Variants in MAP3K1 observed in about 807,000 individuals in gnomAD.
The protein encoded by MAP3K1 is MAP/ERK kinase kinase 1.
A neutral mutation model predicts 144.2 loss-of-function variants in MAP3K1; 36 were observed. The ratio of observed to expected loss-of-function variants is 0.25; its 90% CI spans 0.19 to 0.33. The LOEUF (loss-of-function observed/expected upper bound fraction) is 0.33. MAP3K1 is among the 10% of genes least tolerant of loss of function. The pLI is 1.00. For synonymous variants in MAP3K1, 718 were observed against 688.7 expected, an observed-to-expected ratio of 1.04 and a Z score of -0.67; for missense variants, 1,650 against 1,881.9, an observed-to-expected ratio of 0.88 and a Z score of 2.28.
chr5:56,847,051 A>G (rs1018018753), intron 1 of MAP3K1, among the ~76,000 whole-genome samples: 3 of 152,222 alleles, frequency 2.0e-5, no homozygotes, highest in African/African-American at 7.2e-5. Flanking sequence ...CTTTTACACT[A>G]CTGCCTTATT....
At chr5:56,848,036 C>T (rs1308183757) in intron 1 of MAP3K1, among the ~76,000 whole-genome samples, 2 of 151,710 alleles carry the variant, frequency 1.3e-5, no homozygotes, top group Non-Finnish European at 2.9e-5. Flanking sequence ...CTTTTTGATT[C>T]ACTTTTCTTC....
chr5:56,816,960 G>T, intron 1 of MAP3K1: 2 of 427,396 alleles, frequency 4.7e-6, no homozygotes, highest in Non-Finnish European at 6.2e-6. Flanking sequence ...ACTGCTCCCC[G>T]CAGCCCCTCC....
In MAP3K1 at chr5:56,865,334, CT is replaced by C; in HGVS notation, c.1036-3del. ...TAACCTATAGGTTTTCTTTTTAACTCTTTAGAACTGCAGCTGTGCACGTGGA... is the reference window on the plus strand; with the variant it reads ...TAACCTATAGGTTTTCTTTTTAACTCTTAGAACTGCAGCTGTGCACGTGGA... On this transcript the variant is annotated splice_region_variant and splice_polypyrimidine_tract_variant and intron_variant, in intron 4 of 19. Transcript: ENST00000399503. 1 of 1,553,286 alleles carries C rather than the reference CT, an allele frequency of 6.4e-7. No individual in the cohort carries two copies. Among genetic ancestry groups the C allele is most frequent in the South Asian group, 1.1e-5 (1 of 89,824 alleles).
intron 1 of MAP3K1, among the ~76,000 whole-genome samples, chr5:56,839,846 T>C (rs571058035): frequency 1.3e-5 from 2 of 152,298 alleles, no homozygotes; most frequent in South Asian, 4.1e-4. Context: ...CCCTGAATTG[T>C]TGGGACAGGC....
chr5:56,859,326 A>G (rs564208786), intron 2 of MAP3K1, among the ~76,000 whole-genome samples: 1 of 152,294 alleles, frequency 6.6e-6, no homozygotes, highest in South Asian at 2.1e-4. Flanking sequence ...TTGATCTAGT[A>G]GTTGAATAAG....
intron 1 of MAP3K1, among the ~76,000 whole-genome samples, chr5:56,854,106 G>C (rs1025022223): frequency 2.0e-5 from 3 of 152,216 alleles, no homozygotes; most frequent in African/African-American, 7.2e-5. Context: ...CTTCATTTGT[G>C]TACATTTTTA....
chr5:56,855,989 A>G (rs901708729), intron 1 of MAP3K1, among the ~76,000 whole-genome samples: 1 of 152,152 alleles, frequency 6.6e-6, no homozygotes, highest in African/African-American at 2.4e-5. Flanking sequence ...AGATTGTTTT[A>G]TTCTGGTAAA....
At chr5:56,852,080 A>ATT (rs1747190378) in intron 1 of MAP3K1, 1 of 47,042 alleles carries the variant, frequency 2.1e-5, no homozygotes, top group East Asian at 4.0e-4. Flanking sequence ...TATTCCTGGC[A>ATT]GGGAAAAAAA....
In MAP3K1 at chr5:56,856,747, T is replaced by C; in HGVS notation, c.630T>C (p.Pro210=). Residue 210 remains proline (P), a synonymous_variant, in exon 2 of 20, where the codon CCT becomes CCC. Transcript: ENST00000399503. The stretch of plus-strand genomic sequence containing the variant: ...TGGAAAGGAGAAATAGGCGAGGGCC[T>C]GTGGTAAGTGGCTATGGGTTACCAG... ...EWLERRNRRG[P]VVVKPIPVKG... is the part of the protein sequence containing the mutation. 1 of 1,613,872 alleles carries C rather than the reference T, an allele frequency of 6.2e-7. No homozygotes were observed. The highest frequency in any genetic ancestry group is 8.5e-7 in the Non-Finnish European group (1 of 1,179,798).
At chr5:56,888,098 G>A in intron 18 of MAP3K1, 128 bp from the exon 19 acceptor site, 1 of 767,946 alleles carries the variant, frequency 1.3e-6, no homozygotes, top group Non-Finnish European at 2.2e-6. Context: ...TTAGATATTA[G>A]GTAGTCCACA....
At chr5:56,840,883 T>C (rs1022028529) in intron 1 of MAP3K1, among the ~76,000 whole-genome samples, 16 of 152,126 alleles carry the variant, frequency 1.1e-4, no homozygotes, top group African/African-American at 3.4e-4. Flanking sequence ...TTTTTTTTTT[T>C]TTTTTAAAGA....
chr5:56,852,356 A>T (rs889826251), intron 1 of MAP3K1, among the ~76,000 whole-genome samples: 3 of 152,158 alleles, frequency 2.0e-5, no homozygotes, highest in African/African-American at 7.2e-5. Flanking sequence ...TTTCCCTGAG[A>T]AGGGACCCTT....
rs1747887665 is a variant in MAP3K1 at position 56,872,576 on chromosome 5, TTATGAAA to T, written c.1424-62_1424-56del. ...ATATAAATTCTATAATTATAAACAG[TTATGAAA>T]TAAAAATAATGTTAAACATTTACAT... On this transcript the variant is annotated intron_variant, in intron 7 of 19. Coordinates refer to ENST00000399503, the MANE Select transcript of MAP3K1 (RefSeq NM_005921.2). 9 of 923,260 alleles carry T rather than the reference TTATGAAA, an allele frequency of 9.7e-6. No homozygotes were observed. In the Admixed American group the frequency reaches 1.6e-4, roughly 17 times the overall value. 57.2% of individuals were successfully genotyped at this position (923,260 alleles called of 1,614,324 possible).
chr5:56,843,957 A>G (rs1476053896), intron 1 of MAP3K1, among the ~76,000 whole-genome samples: 5 of 152,152 alleles, frequency 3.3e-5, no homozygotes, highest in Non-Finnish European at 5.9e-5. Context: ...GTTCCAAGGA[A>G]CACTGCGCTA....
intron 1 of MAP3K1, among the ~76,000 whole-genome samples, chr5:56,842,772 T>C (rs1248633460): frequency 6.6e-6 from 1 of 152,184 alleles, no homozygotes; most frequent in Non-Finnish European, 1.5e-5. Flanking sequence ...ACTTTACATA[T>C]ATATTAATTT....
At chr5:56,834,640 C>T (rs922825177) in intron 1 of MAP3K1, among the ~76,000 whole-genome samples, 11 of 152,100 alleles carry the variant, frequency 7.2e-5, no homozygotes, top group African/African-American at 1.4e-4. Flanking sequence ...ACCCGAGAGG[C>T]GGATGTTGCA....
At chr5:56,838,727 C>A (rs2111806797) in intron 1 of MAP3K1, among the ~76,000 whole-genome samples, 1 of 152,290 alleles carries the variant, frequency 6.6e-6, no homozygotes, top group Admixed American at 6.5e-5. Flanking sequence ...ATTTGCTGGG[C>A]AGTGATCCCG....
At chr5:56,845,588 A>G (rs1358768162) in intron 1 of MAP3K1, among the ~76,000 whole-genome samples, 1 of 151,006 alleles carries the variant, frequency 6.6e-6, no homozygotes, top group South Asian at 2.1e-4. Context: ...AGATTTGTCA[A>G]GTAGCAAGGG....
rs1308109799 is a variant in MAP3K1 at position 56,887,430 on chromosome 5, T to C, written c.4167T>C (p.Phe1389=). ...GTCAGAGACTAAGAATTGCAGATTT[T>C]GGAGCTGCAGCCAGGTTGGCATCAA... The part of the protein sequence containing the change: ...STGQRLRIAD[F]GAAARLASKG... The change falls in exon 18 of 20, where the codon TTT becomes TTC. Residue 1389 remains phenylalanine, a synonymous_variant. Transcript: ENST00000399503. The C allele has an allele frequency of 6.2e-7, 1 of 1,614,062 alleles. No individual in the cohort carries two copies. The highest frequency in any genetic ancestry group is 8.5e-7 in the Non-Finnish European group (1 of 1,180,002).
Sources: allele counts gnomAD v4.1 joint callset (sites outside exome capture counted in the v4.1 genomes callset), GRCh38; gene constraint gnomAD v4.1.1; transcripts MANE v1.5; gene names NCBI Gene and HGNC (gene_info 2026-07-23, HGNC 2026-07-21).